The following TMEM178B variants were observed in gnomAD, a reference collection of about 807,000 sequenced individuals.
TMEM178B encodes the protein transmembrane protein 178B.
TMEM178B carries 5 observed loss-of-function variants against 31.0 expected under a neutral mutation model. The observed-to-expected ratio is 0.16, with a 90% CI of 0.08 to 0.34. TMEM178B has a LOEUF of 0.34. Among genes scored for constraint, TMEM178B ranks in the 10% least tolerant of loss-of-function variants. TMEM178B has a pLI of 1.00. For synonymous variants in TMEM178B, 164 were observed against 164.0 expected, an observed-to-expected ratio of 1.00 and a Z score of 0.00; for missense variants, 275 against 400.3, an observed-to-expected ratio of 0.69 and a Z score of 2.67.
chr7:141,141,031 C>T (rs78894862), intron 1 of TMEM178B, among the ~76,000 whole-genome samples: 12 of 152,190 alleles, frequency 7.9e-5, no homozygotes, highest in Admixed American at 7.8e-4. Flanking sequence ...TTGGGAGTTA[C>T]ACTTCCCCTC....
intron 2 of TMEM178B, among the ~76,000 whole-genome samples, chr7:141,285,601 C>T (rs1244648598): frequency 6.6e-6 from 1 of 152,006 alleles, no homozygotes; most frequent in Non-Finnish European, 1.5e-5. Flanking sequence ...TGGGTATATA[C>T]CCAAAGGATT....
chr7:141,285,884 T>G (rs890260148), intron 2 of TMEM178B, among the ~76,000 whole-genome samples: 1 of 151,518 alleles, frequency 6.6e-6, no homozygotes, highest in African/African-American at 2.4e-5. Context: ...TAAGTGGGAG[T>G]TGAACAATGA....
chr7:141,255,901 C>G (rs564163145), intron 2 of TMEM178B, among the ~76,000 whole-genome samples: 1 of 152,098 alleles, frequency 6.6e-6, no homozygotes, highest in Admixed American at 6.5e-5. Flanking sequence ...GATCAGGCAT[C>G]GAGAGAACTG....
intron 2 of TMEM178B, among the ~76,000 whole-genome samples, chr7:141,309,348 C>G (rs1357408822): frequency 6.6e-6 from 1 of 152,090 alleles, no homozygotes; most frequent in Non-Finnish European, 1.5e-5. Context: ...TCCATTCTCA[C>G]TAGTATATTG....
At chr7:141,401,669 G>A (rs923049266) in intron 2 of TMEM178B, among the ~76,000 whole-genome samples, 3 of 152,072 alleles carry the variant, frequency 2.0e-5, no homozygotes, top group Admixed American at 1.3e-4. Context: ...GCCTCCTAAA[G>A]TGCTGGAATT....
At chr7:141,290,782 C>T (rs1798533144) in intron 2 of TMEM178B, among the ~76,000 whole-genome samples, 1 of 152,192 alleles carries the variant, frequency 6.6e-6, no homozygotes, top group Non-Finnish European at 1.5e-5. Context: ...GCAGATATGA[C>T]TTATCTTCTG....
intron 1 of TMEM178B, among the ~76,000 whole-genome samples, chr7:141,153,259 A>G (rs1393267139): frequency 6.6e-6 from 1 of 152,178 alleles, no homozygotes; most frequent in Non-Finnish European, 1.5e-5. Flanking sequence ...CATCTCTGCA[A>G]TATATTTTGA....
chr7:141,109,304 G>A (rs1205478746), intron 1 of TMEM178B, among the ~76,000 whole-genome samples: 1 of 152,096 alleles, frequency 6.6e-6, no homozygotes, highest in Non-Finnish European at 1.5e-5. Flanking sequence ...GTGAAAGGGT[G>A]ATGGGATCAA....
At chr7:141,304,191 C>T (rs1200458471) in intron 2 of TMEM178B, among the ~76,000 whole-genome samples, 1 of 152,130 alleles carries the variant, frequency 6.6e-6, no homozygotes, top group Non-Finnish European at 1.5e-5. Context: ...TTTTTAAAAG[C>T]ACTACGTATT....
intron 2 of TMEM178B, among the ~76,000 whole-genome samples, chr7:141,411,271 G>T (rs1029076148): frequency 2.0e-5 from 3 of 152,054 alleles, no homozygotes; most frequent in African/African-American, 7.2e-5. Context: ...GGGTTGAGGA[G>T]AAGATGGAGA....
At chr7:141,377,969 C>A (rs1232776521) in intron 2 of TMEM178B, among the ~76,000 whole-genome samples, 1 of 152,152 alleles carries the variant, frequency 6.6e-6, no homozygotes, top group African/African-American at 2.4e-5. Context: ...GAACTCTCAA[C>A]TTTATTCAGA....
chr7:141,390,795 C>T (rs1461973914), intron 2 of TMEM178B, among the ~76,000 whole-genome samples: 1 of 152,212 alleles, frequency 6.6e-6, no homozygotes, highest in Non-Finnish European at 1.5e-5. Context: ...TTATGCTTCT[C>T]TACCTCTGCA....
chr7:141,492,178 G>A, the TMEM178B span, among the ~76,000 whole-genome samples: 1 of 152,052 alleles, frequency 6.6e-6, no homozygotes, highest in Non-Finnish European at 1.5e-5. Flanking sequence ...ATGCCAGCAT[G>A]TCCTGACCTC....
At chr7:141,438,029 G>A (rs1051825008) in intron 3 of TMEM178B, among the ~76,000 whole-genome samples, 1 of 152,170 alleles carries the variant, frequency 6.6e-6, no homozygotes, top group African/African-American at 2.4e-5. Flanking sequence ...TGAGACGGGT[G>A]GTTACGGCAG....
At chr7:141,494,368 T>C in the TMEM178B span, among the ~76,000 whole-genome samples, 1 of 152,206 alleles carries the variant, frequency 6.6e-6, no homozygotes, top group African/African-American at 2.4e-5. Flanking sequence ...TTTCTTCTCA[T>C]CCTCAACACC....
intron 1 of TMEM178B, among the ~76,000 whole-genome samples, chr7:141,133,032 C>A (rs1363542115): frequency 6.6e-6 from 1 of 152,030 alleles, no homozygotes; most frequent in East Asian, 1.9e-4. Flanking sequence ...CACCCAGAAT[C>A]AAAGCCAAGG....
intron 1 of TMEM178B, among the ~76,000 whole-genome samples, chr7:141,101,382 A>G (rs950768854): frequency 2.0e-5 from 3 of 152,220 alleles, no homozygotes; most frequent in East Asian, 3.8e-4. Flanking sequence ...GCCTATGGTC[A>G]TGTGGTAAAC....
chr7:141,493,556 C>A, the TMEM178B span, among the ~76,000 whole-genome samples: 15 of 152,304 alleles, frequency 9.8e-5, no homozygotes, highest in Middle Eastern at 3.4e-3. Context: ...AAGATCTTCT[C>A]AATTCTGTCT....
At chr7:141,212,509 A>G in intron 1 of TMEM178B, 82 bp from the exon 2 acceptor site, 6 of 1,193,760 alleles carry the variant, frequency 5.0e-6, no homozygotes, top group Non-Finnish European at 7.2e-6. Flanking sequence ...CTTCTTCTCC[A>G]GGATGGAAAA....
Sources: allele counts gnomAD v4.1 joint callset (sites outside exome capture counted in the v4.1 genomes callset), GRCh38; gene constraint gnomAD v4.1.1; transcripts MANE v1.5; gene names NCBI Gene and HGNC (gene_info 2026-07-23, HGNC 2026-07-21).